Variants in ZFP14 observed in about 807,000 individuals in gnomAD.
ZFP14 encodes the protein ZFP14 zinc finger protein.
In ZFP14, 22 loss-of-function variants were observed where a neutral mutation model predicts 54.5. The ratio of observed to expected loss-of-function variants is 0.40; its 90% confidence interval spans 0.29 to 0.58. The LOEUF (loss-of-function observed/expected upper bound fraction) is 0.58, where lower values mean the gene tolerates loss of function less well. Ranked by LOEUF, ZFP14 falls within the 20% of genes least tolerant of loss-of-function variation. The pLI is 0.39. For synonymous variants in ZFP14, 159 were observed against 204.0 expected (o/e 0.78, Z 1.88); for missense variants, 470 against 637.8 (o/e 0.74, Z 2.83).
At chr19:36,364,740 G>A (rs916204184) in intron 2 of ZFP14, among the ~76,000 whole-genome samples, 1 of 152,012 alleles carries the variant, frequency 6.6e-6, no homozygotes, top group Non-Finnish European at 1.5e-5. Context: ...CTATATACTT[G>A]AAAAACTCAG....
chr19:36,344,045 C>T (rs2031370650), intron 4 of ZFP14, among the ~76,000 whole-genome samples: 1 of 152,154 alleles, frequency 6.6e-6, no homozygotes, highest in Non-Finnish European at 1.5e-5. Flanking sequence ...TCTTGTTGCC[C>T]AGGCTGGAGT....
intron 2 of ZFP14, among the ~76,000 whole-genome samples, chr19:36,365,811 T>C (rs2145559097): frequency 6.6e-6 from 1 of 152,106 alleles, no homozygotes; most frequent in South Asian, 2.1e-4. Context: ...ATTTTAAAAA[T>C]TAGCCAAGAG....
At chr19:36,373,231 G>A (rs1161081484) in intron 1 of ZFP14, among the ~76,000 whole-genome samples, 1 of 151,578 alleles carries the variant, frequency 6.6e-6, no homozygotes, top group Non-Finnish European at 1.5e-5. Context: ...GAGCCGAGAT[G>A]GCGTCATTGC....
At chr19:36,349,571 C>T (rs1346634414) in intron 4 of ZFP14, among the ~76,000 whole-genome samples, 2 of 150,980 alleles carry the variant, frequency 1.3e-5, no homozygotes, top group African/African-American at 4.9e-5. Flanking sequence ...GAGGCTGAGG[C>T]AGGAGTATCA....
In ZFP14 at chr19:36,342,100, C is replaced by T. The variant is rs35257501; in HGVS notation, c.236-510G>A. Among the ~76,000 whole-genome samples, 750 of 151,880 alleles carry T rather than the reference C, an allele frequency of 4.9e-3. 12 individuals are homozygous for T. The highest frequency in any genetic ancestry group is 0.017 in the African/African-American group (718 of 41,390). On this transcript the variant is annotated intron_variant, in intron 4 of 4. Coordinates refer to ENST00000270001, the MANE Select transcript of ZFP14 (RefSeq NM_020917.3). ...TCGATCTCCTGACCTCGTGATCCAC[C>T]CACCTCGGCCTCCCAAAGTGCTGGG...
At chr19:36,369,801 T>C (rs2031853032) in intron 1 of ZFP14, among the ~76,000 whole-genome samples, 1 of 151,744 alleles carries the variant, frequency 6.6e-6, no homozygotes, top group Admixed American at 6.6e-5. Flanking sequence ...AGCAATTCAC[T>C]AAAAAAAAGA....
intron 1 of ZFP14, among the ~76,000 whole-genome samples, chr19:36,369,529 G>A: frequency 6.6e-6 from 1 of 151,968 alleles, no homozygotes; most frequent in Admixed American, 6.6e-5. Flanking sequence ...TCCTGCCTCA[G>A]TCTTCCAAGT....
In ZFP14 at chr19:36,341,566, T is replaced by G. The variant is rs762259495; in HGVS notation, c.260A>C (p.Asn87Thr). The G allele has an allele frequency of 2.5e-6, 4 of 1,589,758 alleles. No homozygotes were observed. The South Asian group carries it at 4.6e-5, about 18-fold the overall frequency. Residue 87 changes from asparagine (N) to threonine (T), a missense_variant, in exon 5 of 5, where the codon AAT becomes ACT. Physicochemically the swap from Asn to Thr is moderately conservative, Grantham distance 65 (BLOSUM62 0). Coordinates refer to ENST00000270001, the MANE Select transcript of ZFP14 (RefSeq NM_020917.3). This position sits in a 1 kb window ranked among gnomAD's most constrained non-coding sequence, Gnocchi z 4.2. The stretch of plus-strand genomic sequence containing the variant: ...AATGTCCTTTTCTGGAGATAAAGTA[T>G]TGGTCCTGTATCTGGACTCCAAATC... Reference protein sequence around the residue: ...CPDLESRYRTNTLSPEKDIYE... With the variant: ...CPDLESRYRTTTLSPEKDIYE...
chr19:36,367,018 G>C (rs567858848), intron 2 of ZFP14, among the ~76,000 whole-genome samples: 218 of 152,058 alleles, frequency 1.4e-3, no homozygotes, highest in African/African-American at 5.1e-3. Flanking sequence ...GCCAGGTATG[G>C]TGGCGGGCAC....
chr19:36,340,153 G>T lies in ZFP14; in HGVS notation c.*71C>A. On this transcript the variant is annotated 3_prime_UTR_variant, in exon 5 of 5. Coordinates refer to ENST00000270001, the MANE Select transcript of ZFP14 (RefSeq NM_020917.3). The surrounding 1 kb of genome is among the most constrained non-coding windows in gnomAD (Gnocchi z 5.4). ...ATTTATTATGCTTGGAATTGAGCAT[G>T]AAACACATTTTCTCAAAAATGAATT... 7.1e-7 allele frequency: 1 copy of T among 1,417,448 alleles called. No homozygotes were observed. The highest frequency in any genetic ancestry group is 9.4e-7 in the Non-Finnish European group (1 of 1,066,298). The allele number at this position is 1,417,448 out of a possible 1,614,324, so 87.8% of individuals were successfully genotyped here.
intron 2 of ZFP14, among the ~76,000 whole-genome samples, chr19:36,365,746 C>T (rs1385086556): frequency 6.6e-6 from 1 of 151,928 alleles, no homozygotes; most frequent in Non-Finnish European, 1.5e-5. Context: ...ATCACTTGAG[C>T]CCAGGAGTTT....
intron 1 of ZFP14, among the ~76,000 whole-genome samples, chr19:36,372,450 T>G (rs111384495): frequency 2.0e-5 from 3 of 151,866 alleles, no homozygotes; most frequent in Non-Finnish European, 4.4e-5. Context: ...ACAACAGAAA[T>G]AGAAGAGACT....
At chr19:36,376,075 G>T (rs1159800664) in intron 1 of ZFP14, among the ~76,000 whole-genome samples, 1 of 152,044 alleles carries the variant, frequency 6.6e-6, no homozygotes, top group Non-Finnish European at 1.5e-5. Context: ...TTTTCTGCAT[G>T]ATATTAGACA....
intron 4 of ZFP14, among the ~76,000 whole-genome samples, chr19:36,345,534 C>T (rs1288714084): frequency 1.3e-5 from 2 of 152,032 alleles, no homozygotes; most frequent in Admixed American, 1.3e-4. Context: ...GGCGTACTTT[C>T]ATGAAGAAAA....
At chr19:36,373,131 G>C (rs2145564535) in intron 1 of ZFP14, among the ~76,000 whole-genome samples, 1 of 152,076 alleles carries the variant, frequency 6.6e-6, no homozygotes, top group South Asian at 2.1e-4. Context: ...TACAAAATTA[G>C]CCGGGCATGG....
At chr19:36,363,360 A>AT (rs759552547) in intron 2 of ZFP14, among the ~76,000 whole-genome samples, 20 of 150,712 alleles carry the variant, frequency 1.3e-4, no homozygotes, top group Admixed American at 2.0e-4. Flanking sequence ...CGCCCGGCTA[A>AT]TTTTTTTTGT....
At chr19:36,347,347 C>G (rs531907477) in intron 4 of ZFP14, among the ~76,000 whole-genome samples, 1 of 152,162 alleles carries the variant, frequency 6.6e-6, no homozygotes, top group African/African-American at 2.4e-5. Flanking sequence ...CAATGGCTCA[C>G]GTCTGTAATC....
intron 1 of ZFP14, among the ~76,000 whole-genome samples, chr19:36,368,672 G>A (rs2031833187): frequency 6.6e-6 from 1 of 152,078 alleles, no homozygotes; most frequent in African/African-American, 2.4e-5. Flanking sequence ...CCTGCCCCTA[G>A]AATCCTGCCT....
chr19:36,366,769 A>C (rs1304557492), intron 2 of ZFP14, among the ~76,000 whole-genome samples: 2 of 152,228 alleles, frequency 1.3e-5, no homozygotes. Context: ...TACTCAATTT[A>C]TGAAAATTCA....
Sources: gnomAD v4.1 joint callset for allele counts (sites outside exome capture counted in the v4.1 genomes callset) on GRCh38, gnomAD v4.1.1 for gene constraint, Gnocchi (gnomAD v3.1) non-coding constraint, MANE v1.5 for transcripts, NCBI Gene and HGNC (gene_info 2026-07-23, HGNC 2026-07-21) for gene names.